ANO4: variants seen among roughly 807,000 people sequenced by gnomAD.
The protein encoded by ANO4 is anoctamin-4.
ANO4 carries 69 observed loss-of-function variants against 141.9 expected under a neutral mutation model. The ratio of observed to expected loss-of-function variants is 0.49; its 90% CI spans 0.40 to 0.59. The LOEUF is 0.59. Ranked by LOEUF, ANO4 falls within the 20% of genes least tolerant of loss-of-function variation. The pLI, the probability that ANO4 is intolerant of heterozygous loss-of-function variation, is 0.00. For synonymous variants in ANO4, 350 were observed against 394.3 expected (o/e 0.89, Z 1.33); for missense variants, 894 against 1,162.2 (o/e 0.77, Z 3.36).
At chr12:100,804,640 C>T (rs1324006296) in intron 1 of ANO4, among the ~76,000 whole-genome samples, 1 of 152,136 alleles carries the variant, frequency 6.6e-6, no homozygotes, top group African/African-American at 2.4e-5. Flanking sequence ...TAGTAATCAC[C>T]CTTCTGACTG....
chr12:100,837,584 T>G (rs900653332), intron 1 of ANO4, among the ~76,000 whole-genome samples: 4 of 152,038 alleles, frequency 2.6e-5, no homozygotes, highest in African/African-American at 7.2e-5. Flanking sequence ...GAGACCAGCC[T>G]GGGCAACATA....
At chr12:100,944,820 G>A (rs1455327947) in intron 5 of ANO4, among the ~76,000 whole-genome samples, 1 of 152,158 alleles carries the variant, frequency 6.6e-6, no homozygotes, top group African/African-American at 2.4e-5. Context: ...TGGCTGAACA[G>A]TAAACAAACC....
In ANO4 at chr12:101,016,811, G is replaced by A. The variant is rs140019227; in HGVS notation, c.735-3223G>A. Reference sequence around the variant, plus strand: ...TGCCAGCCAGTGGGCTCAGCACTGCGTGTCATCTCACTTAATTGTACAATA... The same window carrying A: ...TGCCAGCCAGTGGGCTCAGCACTGCATGTCATCTCACTTAATTGTACAATA... On this transcript the variant is annotated intron_variant, in intron 8 of 27. Coordinates refer to ENST00000392977, the MANE Select transcript of ANO4 (RefSeq NM_001286615.2). Among the ~76,000 whole-genome samples, 277 of 152,288 alleles carry A rather than the reference G, an allele frequency of 1.8e-3. 2 individuals carry two copies. The highest frequency in any genetic ancestry group is 6.3e-3 in the African/African-American group (262 of 41,568).
At chr12:101,098,490 T>C (rs1245190247) in intron 21 of ANO4, among the ~76,000 whole-genome samples, 1 of 152,218 alleles carries the variant, frequency 6.6e-6, no homozygotes, top group African/African-American at 2.4e-5. Context: ...GTCAGCTCAA[T>C]GTCTCTGTAG....
At chr12:101,099,835 C>T in intron 22 of ANO4, 115 bp downstream of exon 22, 1 of 800,256 alleles carries the variant, frequency 1.2e-6, no homozygotes, top group South Asian at 3.1e-5. Flanking sequence ...ATTCCTAAGG[C>T]AAACAGAGAG....
chr12:100,755,274 T>C (rs2032557540), intron 3 of ANO4, among the ~76,000 whole-genome samples: 1 of 152,272 alleles, frequency 6.6e-6, no homozygotes, highest in Admixed American at 6.5e-5. Context: ...CTGGAGTGCC[T>C]TGTTTCCCTT....
intron 3 of ANO4, among the ~76,000 whole-genome samples, chr12:100,783,000 A>T (rs1244264284): frequency 6.6e-6 from 1 of 152,184 alleles, no homozygotes; most frequent in African/African-American, 2.4e-5. Context: ...GATTACTTTC[A>T]TTGTTAACAG....
chr12:100,853,434 G>A (rs138999581), intron 1 of ANO4, among the ~76,000 whole-genome samples: 4 of 152,148 alleles, frequency 2.6e-5, no homozygotes, highest in Admixed American at 1.3e-4. Flanking sequence ...TTATTAAAAA[G>A]ACTGTCCTCT....
chr12:101,089,469 CCCCCCA>C lies in ANO4; in HGVS notation c.1701+2648_1701+2653del, dbSNP rs1383250779. Among the ~76,000 whole-genome samples the C allele has an allele frequency of 4.7e-5, 7 of 148,762 alleles. No individual in the cohort carries two copies. The East Asian group carries it at 1.4e-3, about 29-fold the overall frequency. On this transcript the variant is annotated intron_variant, in intron 17 of 27. Transcript: ENST00000392977. ...CACTTCCTGTACCTCCCCCTTTTGACCCCCCACCAGGACTCGGTCTGTGTTAACTGT... is the reference window on the plus strand; with the variant it reads ...CACTTCCTGTACCTCCCCCTTTTGACCCAGGACTCGGTCTGTGTTAACTGT...
Position 100,776,888 on chromosome 12 carries a change from G to A in ANO4, c.358+36783G>A, listed in dbSNP as rs527275948. Among the ~76,000 whole-genome samples, 3 of 152,258 alleles carry A rather than the reference G, an allele frequency of 2.0e-5. No individual in the cohort carries two copies. In the South Asian group the frequency reaches 6.2e-4, roughly 32 times the overall value. On this transcript the variant is annotated intron_variant, in intron 3 of 29. Coordinates refer to the ANO4 transcript ENST00000644049. The stretch of plus-strand genomic sequence containing the variant: ...ATGATGTGCAAGAGTGACAGAATAT[G>A]AGGAAATATGCAGGTAGTGGTATTT...
At chr12:100,859,143 A>G (rs2038339849) in intron 1 of ANO4, 1 of 152,122 alleles carries the variant, frequency 6.6e-6, no homozygotes, top group Admixed American at 6.6e-5. Flanking sequence ...GCTATAGTAC[A>G]GTATCGTTCC....
chr12:100,732,428 CTTA>C (rs1273051700), intron 1 of ANO4, among the ~76,000 whole-genome samples: 2 of 151,808 alleles, frequency 1.3e-5, no homozygotes, highest in African/African-American at 4.9e-5. Flanking sequence ...TATTTGTTTT[CTTA>C]TTGTTGTTTT....
At chr12:100,892,776 A>C (rs1256228656) in intron 1 of ANO4, among the ~76,000 whole-genome samples, 1 of 151,858 alleles carries the variant, frequency 6.6e-6, no homozygotes, top group Non-Finnish European at 1.5e-5. Flanking sequence ...TTATTGTTTT[A>C]ATTGTAGTTT....
chr12:100,742,050 A>G (rs929867412), intron 3 of ANO4, among the ~76,000 whole-genome samples: 3 of 152,188 alleles, frequency 2.0e-5, no homozygotes, highest in Non-Finnish European at 4.4e-5. Flanking sequence ...ACAAAAGCCT[A>G]TAATTCTCTT....
chr12:100,745,796 T>A (rs1169675880), intron 3 of ANO4, among the ~76,000 whole-genome samples: 1 of 152,192 alleles, frequency 6.6e-6, no homozygotes, highest in Non-Finnish European at 1.5e-5. Context: ...GAGACACAAA[T>A]TCTTTGATGT....
At chr12:101,021,993 T>C (rs2046550729) in intron 9 of ANO4, among the ~76,000 whole-genome samples, 1 of 148,740 alleles carries the variant, frequency 6.7e-6, no homozygotes, top group Non-Finnish European at 1.5e-5. Flanking sequence ...GATTTGAGAG[T>C]TGAGCTGAAT....
At chr12:101,081,043 G>C (rs1220831346) in intron 15 of ANO4, among the ~76,000 whole-genome samples, 1 of 150,522 alleles carries the variant, frequency 6.6e-6, no homozygotes, top group Non-Finnish European at 1.5e-5. Flanking sequence ...GTGTGTGTGT[G>C]TGTGTATACA....
chr12:100,965,257 G>C (rs1329678902), intron 5 of ANO4, among the ~76,000 whole-genome samples: 1 of 152,052 alleles, frequency 6.6e-6, no homozygotes, highest in Non-Finnish European at 1.5e-5. Flanking sequence ...CTAGGCACGG[G>C]ATTTTTTTTT....
rs1447275371 is a variant in ANO4, at chr12:101,097,641, T to C, written c.1851-10T>C. 6.2e-7 allele frequency: 1 copy of C among 1,613,434 alleles called. No individual in the cohort carries two copies. Among genetic ancestry groups the C allele is most frequent in the Admixed American group, 1.7e-5 (1 of 59,994 alleles). ...AGCACTAATGGCTTGTTTTTCTCTG[T>C]GTGTTGAAGATTTACAGGACACCCA... On this transcript the variant is annotated splice_polypyrimidine_tract_variant and intron_variant, in intron 19 of 27. Coordinates refer to ENST00000392977, the MANE Select transcript of ANO4 (RefSeq NM_001286615.2).
Sources: gnomAD v4.1 joint callset for allele counts (sites outside exome capture counted in the v4.1 genomes callset) on GRCh38, gnomAD v4.1.1 for gene constraint, MANE v1.5 for transcripts, NCBI Gene and HGNC (gene_info 2026-07-23, HGNC 2026-07-21) for gene names.